The following STAG1 variants were observed in gnomAD, a reference collection of about 807,000 sequenced individuals.
The protein encoded by STAG1 is STAG1 cohesin complex component.
A neutral mutation model predicts 170.9 loss-of-function variants in STAG1; 26 were observed. The observed-to-expected ratio is 0.15, with a 90% CI of 0.11 to 0.21. The LOEUF is 0.21. STAG1 is among the 10% of genes least tolerant of loss of function. The pLI is 1.00. For missense variants in STAG1, 964 were observed against 1,509.5 expected (o/e 0.64, Z 5.99); for synonymous variants, 514 against 497.7 (o/e 1.03, Z -0.44).
chr3:136,426,173 C>T (rs1487447250), intron 16 of STAG1, among the ~76,000 whole-genome samples: 2 of 151,238 alleles, frequency 1.3e-5, no homozygotes, highest in Admixed American at 1.3e-4. Context: ...TTTGGGAGGC[C>T]GAGGCGGGCA....
intron 1 of STAG1, among the ~76,000 whole-genome samples, chr3:136,663,162 A>T (rs1230405201): frequency 6.6e-6 from 1 of 152,224 alleles, no homozygotes. Flanking sequence ...GTAAGAGGAT[A>T]AAAAAGCTGT....
At chr3:136,415,169 T>C (rs760349436) in intron 21 of STAG1, among the ~76,000 whole-genome samples, 2 of 152,200 alleles carry the variant, frequency 1.3e-5, no homozygotes, top group African/African-American at 2.4e-5. Context: ...ATGGCACTGA[T>C]AGCCTTGCTT....
intron 22 of STAG1, among the ~76,000 whole-genome samples, chr3:136,386,551 G>A (rs950919096): frequency 3.3e-5 from 5 of 152,154 alleles, no homozygotes; most frequent in Non-Finnish European, 7.3e-5. Flanking sequence ...CAAACTGTAT[G>A]ATTACAGTCA....
chr3:136,391,190 G>A (rs1303421032), intron 22 of STAG1, among the ~76,000 whole-genome samples: 1 of 152,098 alleles, frequency 6.6e-6, no homozygotes, highest in East Asian at 1.9e-4. Context: ...AGGTAGGGAT[G>A]TTTGGCCCAG....
intron 25 of STAG1, 62 bp downstream of exon 25, chr3:136,366,881 T>C: frequency 7.1e-7 from 1 of 1,407,600 alleles, no homozygotes; most frequent in East Asian, 2.3e-5. Context: ...GTCATCATCC[T>C]TTCAATTGCT....
chr3:136,585,384 G>C (rs543956134), intron 4 of STAG1, among the ~76,000 whole-genome samples: 95 of 152,276 alleles, frequency 6.2e-4, no homozygotes, highest in African/African-American at 2.2e-3. Flanking sequence ...GGAGGTTGCA[G>C]TGAGCCGAGA....
chr3:136,610,650 T>G (rs1363807437), intron 3 of STAG1, among the ~76,000 whole-genome samples: 1 of 152,186 alleles, frequency 6.6e-6, no homozygotes, highest in Non-Finnish European at 1.5e-5. Context: ...TACAAACTTT[T>G]TTTTTAGATT....
At chr3:136,672,566 AG>A (rs1942009067) in intron 1 of STAG1, among the ~76,000 whole-genome samples, 1 of 152,182 alleles carries the variant, frequency 6.6e-6, no homozygotes, top group Non-Finnish European at 1.5e-5. Flanking sequence ...TTCCATTAAA[AG>A]TTTACCACAA....
At chr3:136,555,062 C>T (rs567341220) in intron 5 of STAG1, among the ~76,000 whole-genome samples, 4 of 148,746 alleles carry the variant, frequency 2.7e-5, no homozygotes, top group South Asian at 2.1e-4. Context: ...TATGCACACA[C>T]GCACTCAGGC....
intron 1 of STAG1, among the ~76,000 whole-genome samples, chr3:136,640,393 G>GAGTCT (rs1393382652): frequency 1.3e-5 from 2 of 149,352 alleles, no homozygotes; most frequent in African/African-American, 4.9e-5. Flanking sequence ...TTTTGAGACG[G>GAGTCT]AGTCTCGCTC....
intron 28 of STAG1, among the ~76,000 whole-genome samples, chr3:136,357,287 A>G (rs915894818): frequency 7.9e-5 from 12 of 152,170 alleles, no homozygotes; most frequent in Non-Finnish European, 1.8e-4. Flanking sequence ...AACTTACCCA[A>G]TCAAGATTTT....
Position 136,725,611 on chromosome 3 carries a change from T to C in STAG1, c.-84+26584A>G, listed in dbSNP as rs185812679. On this transcript the variant is annotated intron_variant, in intron 1 of 33. Transcript: ENST00000383202. ...CAGCCACAAGTAGATGAAGCTGTAT[T>C]ATGTTTTGTTACTGAGACACATGCA... Among the ~76,000 whole-genome samples the C allele has an allele frequency of 1.5e-3, 225 of 152,316 alleles. 2 individuals carry two copies. The highest frequency in any genetic ancestry group is 2.5e-4 in the Non-Finnish European group (17 of 68,034).
Position 136,355,351 on chromosome 3 carries a change from TAA to T in STAG1, c.3065+2367_3065+2368del, listed in dbSNP as rs370605205. Among the ~76,000 whole-genome samples the T allele has an allele frequency of 2.7e-3, 80 of 29,990 alleles. 1 individual carries two copies. The highest frequency in any genetic ancestry group is 0.018 in the East Asian group (12 of 658). The allele number at this position is 29,990 out of a possible 152,430, so 19.7% of individuals were successfully genotyped here. ...TGGGTATCAGAGTGAGACTCCATCT[TAA>T]AAAAAAAAAAAAAAAAAAAAAAAAA... is the stretch of plus-strand genomic sequence containing the variant. On this transcript the variant is annotated intron_variant, in intron 28 of 33. Coordinates refer to ENST00000383202, the MANE Select transcript of STAG1 (RefSeq NM_005862.3).
At chr3:136,674,962 C>T (rs536897034) in intron 1 of STAG1, among the ~76,000 whole-genome samples, 18 of 151,912 alleles carry the variant, frequency 1.2e-4, no homozygotes, top group African/African-American at 1.7e-4. Context: ...TGGGGGGAGC[C>T]GGAAACTAAA....
intron 3 of STAG1, among the ~76,000 whole-genome samples, chr3:136,612,643 G>C (rs1017035268): frequency 6.6e-6 from 1 of 152,208 alleles, no homozygotes; most frequent in African/African-American, 2.4e-5. Context: ...ACGTTCCACT[G>C]CACTCTCTCC....
chr3:136,718,868 G>C (rs773473319), intron 1 of STAG1, among the ~76,000 whole-genome samples: 62 of 151,914 alleles, frequency 4.1e-4, no homozygotes, highest in Middle Eastern at 3.2e-3. Context: ...CGGAGGTTGC[G>C]GTGAGCCAAG....
chr3:136,527,858 C>G (rs997391300), intron 6 of STAG1, among the ~76,000 whole-genome samples: 3 of 152,140 alleles, frequency 2.0e-5, no homozygotes, highest in East Asian at 1.9e-4. Context: ...CACTCCAGAC[C>G]CTGTTTTCCT....
At chr3:136,402,885 A>T (rs1576431178) in intron 21 of STAG1, among the ~76,000 whole-genome samples, 1 of 152,092 alleles carries the variant, frequency 6.6e-6, no homozygotes, top group Non-Finnish European at 1.5e-5. Context: ...AGATACTTCC[A>T]ATGTGCCTAC....
intron 21 of STAG1, among the ~76,000 whole-genome samples, chr3:136,410,791 T>A (rs768748677): frequency 6.6e-6 from 1 of 152,204 alleles, no homozygotes; most frequent in South Asian, 2.1e-4. Context: ...CTGGTCAACA[T>A]AGTGAAATTT....
Sources: gnomAD v4.1 joint callset for allele counts (sites outside exome capture counted in the v4.1 genomes callset) on GRCh38, gnomAD v4.1.1 for gene constraint, MANE v1.5 for transcripts, NCBI Gene and HGNC (gene_info 2026-07-23, HGNC 2026-07-21) for gene names.